Variants in MGLL observed in about 807,000 individuals in gnomAD.
The protein encoded by MGLL is lysophospholipase homolog.
In MGLL, 7 loss-of-function variants were observed where a neutral mutation model predicts 29.1. The ratio of observed to expected loss-of-function variants is 0.24; its 90% CI spans 0.14 to 0.45. The LOEUF (loss-of-function observed/expected upper bound fraction) is 0.45. MGLL is among the 20% of genes least tolerant of loss of function. The pLI is 0.99. For synonymous variants in MGLL, 148 were observed against 168.3 expected (o/e 0.88, Z 0.93); for missense variants, 356 against 413.6 (o/e 0.86, Z 1.21).
chr3:127,743,268 T>C (rs1021417324), intron 3 of MGLL, among the ~76,000 whole-genome samples: 2 of 152,194 alleles, frequency 1.3e-5, no homozygotes, highest in Non-Finnish European at 2.9e-5. Context: ...AATGCTTTAT[T>C]GGAGAGAGGA....
At chr3:127,796,443 C>G (rs1057101941) in intron 2 of MGLL, among the ~76,000 whole-genome samples, 3 of 152,214 alleles carry the variant, frequency 2.0e-5, no homozygotes, top group Non-Finnish European at 4.4e-5. Flanking sequence ...TTAGCTTGGA[C>G]TGTCATTAAA....
At chr3:127,797,895 C>T (rs1187400025) in intron 2 of MGLL, among the ~76,000 whole-genome samples, 5 of 152,136 alleles carry the variant, frequency 3.3e-5, no homozygotes. Flanking sequence ...CATGTGGGCC[C>T]ACCATACCTG....
intron 3 of MGLL, among the ~76,000 whole-genome samples, chr3:127,770,622 G>C (rs1385010280): frequency 1.3e-5 from 2 of 152,182 alleles, no homozygotes; most frequent in East Asian, 3.9e-4. Flanking sequence ...TGAGGGCCAG[G>C]TGCAGCTGCA....
intron 3 of MGLL, among the ~76,000 whole-genome samples, chr3:127,756,166 T>TATC (rs1284917233): frequency 7.2e-5 from 11 of 152,170 alleles, no homozygotes; most frequent in Non-Finnish European, 1.2e-4. Flanking sequence ...GCTCTAAGGG[T>TATC]TGGGGAGCAG....
chr3:127,725,087 TC>T (rs1335882167), intron 3 of MGLL, among the ~76,000 whole-genome samples: 4 of 151,846 alleles, frequency 2.6e-5, no homozygotes, highest in Non-Finnish European at 5.9e-5. Flanking sequence ...ACATTCTCTC[TC>T]CAGCCCTGGA....
At chr3:127,742,730 G>A (rs112838522) in intron 3 of MGLL, among the ~76,000 whole-genome samples, 1,818 of 152,084 alleles carry the variant, frequency 0.012, 35 homozygotes, top group African/African-American at 0.042. Flanking sequence ...AGAGAGAGCC[G>A]TATCACTACT....
intron 3 of MGLL, among the ~76,000 whole-genome samples, chr3:127,773,994 A>T (rs145785349): frequency 2.6e-5 from 4 of 152,306 alleles, no homozygotes; most frequent in Non-Finnish European, 4.4e-5. Context: ...GTCTTCGCAC[A>T]GCAGCCTCAG....
Position 127,691,969 on chromosome 3 carries a change from AC to A in MGLL, c.*228del, listed in dbSNP as rs1429739221. ...CATTCTTTGTGGAAAATCACCTGGG[AC>A]CTTTCTCTTTTTTTGCATAAAGTGT... is the stretch of plus-strand genomic sequence containing the variant. On this transcript the variant is annotated 3_prime_UTR_variant, in exon 8 of 8. Transcript: ENST00000265052. 4.6e-5 allele frequency: 27 copies of A among 587,860 alleles called. 1 individual carries two copies. The highest frequency in any genetic ancestry group is 8.8e-6 in the Non-Finnish European group (3 of 341,566). 36.4% of individuals were successfully genotyped at this position (587,860 alleles called of 1,614,324 possible). A position where few individuals can be genotyped will look rare whatever the true frequency, so the allele number is the denominator to read the frequency against.
intron 3 of MGLL, among the ~76,000 whole-genome samples, chr3:127,759,085 C>T (rs754089927): frequency 6.6e-6 from 1 of 152,020 alleles, no homozygotes; most frequent in Non-Finnish European, 1.5e-5. Context: ...TGCCACCAAG[C>T]CTGGCTAATT....
intron 3 of MGLL, among the ~76,000 whole-genome samples, chr3:127,728,280 T>C (rs776010649): frequency 2.6e-5 from 4 of 152,190 alleles, no homozygotes; most frequent in Non-Finnish European, 4.4e-5. Context: ...GCATTTCTTT[T>C]TGCAAAAATA....
At chr3:127,739,535 A>G (rs114870874) in intron 3 of MGLL, among the ~76,000 whole-genome samples, 1,704 of 152,294 alleles carry the variant, frequency 0.011, 30 homozygotes, top group African/African-American at 0.039. Flanking sequence ...TGGATAGAAA[A>G]AGCTTAAATT....
At chr3:127,792,217 T>C (rs1054148557) in intron 2 of MGLL, among the ~76,000 whole-genome samples, 8 of 152,238 alleles carry the variant, frequency 5.3e-5, no homozygotes, top group African/African-American at 1.9e-4. Flanking sequence ...TCCACGTTTT[T>C]TTCTTGCCCA....
chr3:127,725,046 G>A (rs1350172366), intron 3 of MGLL, among the ~76,000 whole-genome samples: 1 of 151,760 alleles, frequency 6.6e-6, no homozygotes, highest in African/African-American at 2.4e-5. Context: ...TCCTTAAGGG[G>A]TGGTCCACAC....
intron 6 of MGLL, among the ~76,000 whole-genome samples, chr3:127,710,150 C>G (rs2075683766): frequency 6.6e-6 from 1 of 152,200 alleles, no homozygotes; most frequent in African/African-American, 2.4e-5. Context: ...GAAAGCCTGT[C>G]TGGGAATGAA....
At chr3:127,750,547 G>C (rs1252164839) in intron 3 of MGLL, among the ~76,000 whole-genome samples, 1 of 151,998 alleles carries the variant, frequency 6.6e-6, no homozygotes, top group African/African-American at 2.4e-5. Flanking sequence ...GGAGGCCAGG[G>C]CCCCTGGGAC....
At chr3:127,818,464 C>T (rs1227779074) in intron 2 of MGLL, among the ~76,000 whole-genome samples, 3 of 151,992 alleles carry the variant, frequency 2.0e-5, no homozygotes, top group Non-Finnish European at 4.4e-5. Flanking sequence ...CCGCCTCTGT[C>T]TTCTGAGTTT....
chr3:127,735,598 A>T, intron 3 of MGLL: 2 of 1,212,912 alleles, frequency 1.6e-6, no homozygotes, highest in Non-Finnish European at 2.3e-6. Flanking sequence ...CACATAAAAT[A>T]AAAAAGCAAG....
At chr3:127,745,201 G>C (rs2076419632) in intron 3 of MGLL, among the ~76,000 whole-genome samples, 2 of 152,222 alleles carry the variant, frequency 1.3e-5, no homozygotes. Flanking sequence ...GGTTAAATGA[G>C]GAGGCAAGTG....
intron 3 of MGLL, among the ~76,000 whole-genome samples, chr3:127,739,142 C>T (rs917766275): frequency 1.3e-5 from 2 of 152,180 alleles, no homozygotes; most frequent in Admixed American, 6.5e-5. Flanking sequence ...GGGAAAAATC[C>T]CGAAAAGCCT....
Sources: allele counts gnomAD v4.1 joint callset (sites outside exome capture counted in the v4.1 genomes callset), GRCh38; gene constraint gnomAD v4.1.1; transcripts MANE v1.5; gene names NCBI Gene and HGNC (gene_info 2026-07-23, HGNC 2026-07-21).